Variants in DNTT observed in about 807,000 individuals in gnomAD.
DNTT encodes DNA nucleotidylexotransferase.
In DNTT, 47 loss-of-function variants were observed where a neutral mutation model predicts 60.9. The ratio of observed to expected loss-of-function variants is 0.77; its 90% CI spans 0.61 to 0.98. The LOEUF is 0.98. Ranked by LOEUF, DNTT falls within the 50% of genes least tolerant of loss-of-function variation. The pLI, the probability that DNTT is intolerant of heterozygous loss-of-function variation, is 0.00. For synonymous variants in DNTT, 224 were observed against 221.2 expected, an observed-to-expected ratio of 1.01 and a Z score of -0.11; for missense variants, 665 against 627.5, an observed-to-expected ratio of 1.06 and a Z score of -0.64.
intron 1 of DNTT, among the ~76,000 whole-genome samples, chr10:96,309,850 G>A (rs1057506867): frequency 6.6e-6 from 1 of 152,186 alleles, no homozygotes; most frequent in Admixed American, 6.5e-5. Context: ...CAGGGAGCTG[G>A]CCCGTGAACC....
chr10:96,329,189 G>A (rs1844975446), intron 8 of DNTT, among the ~76,000 whole-genome samples: 1 of 152,208 alleles, frequency 6.6e-6, no homozygotes, highest in African/African-American at 2.4e-5. Context: ...TGGGTGAGGG[G>A]GCAGGACTGC....
chr10:96,333,545 A>G (rs1845032164), intron 9 of DNTT, among the ~76,000 whole-genome samples: 1 of 152,254 alleles, frequency 6.6e-6, no homozygotes, highest in Non-Finnish European at 1.5e-5. Context: ...CACCATAGCC[A>G]AGATATTATA....
chr10:96,312,969 T>A (rs149413597), intron 1 of DNTT, among the ~76,000 whole-genome samples: 8 of 152,274 alleles, frequency 5.3e-5, no homozygotes, highest in Admixed American at 4.6e-4. Flanking sequence ...GCTCCAGGCA[T>A]AACCCAGAGA....
At chr10:96,315,578 C>T (rs1160680724) in intron 1 of DNTT, among the ~76,000 whole-genome samples, 1 of 151,976 alleles carries the variant, frequency 6.6e-6, no homozygotes, top group Admixed American at 6.6e-5. Context: ...ACAATGTGAG[C>T]GCAGACATTC....
chr10:96,325,459 C>T (rs946790801), intron 6 of DNTT, among the ~76,000 whole-genome samples: 2 of 152,182 alleles, frequency 1.3e-5, no homozygotes, highest in African/African-American at 4.8e-5. Context: ...AGTAAAGACT[C>T]TCAATGCTTA....
At chr10:96,318,260 A>T (rs762004028) in intron 1 of DNTT, 92 bp from the exon 2 acceptor site, 14 of 1,446,088 alleles carry the variant, frequency 9.7e-6, no homozygotes, top group Non-Finnish European at 1.3e-5. Context: ...GTCTTTCTCC[A>T]TCAGATGGAA....
Position 96,327,567 on chromosome 10 carries a change from A to C in DNTT, c.974A>C (p.Asp325Ala). ...GAGGCTGTCTGGGCATTTCTTCCGGATGCTTTCGTCACCATGACAGGAGGG... is the reference window on the plus strand; with the variant it reads ...GAGGCTGTCTGGGCATTTCTTCCGGCTGCTTTCGTCACCATGACAGGAGGG... ...VKEAVWAFLPDAFVTMTGGFR... is the reference protein window; with the variant it reads ...VKEAVWAFLPAAFVTMTGGFR... The change falls in exon 7 of 11, where the codon GAT becomes GCT. Residue 325 changes from aspartate (D) to alanine (A), a missense_variant. Coordinates refer to ENST00000371174, the MANE Select transcript of DNTT (RefSeq NM_004088.4). The C allele has an allele frequency of 6.2e-7, 1 of 1,613,954 alleles. No homozygotes were observed. The highest frequency in any genetic ancestry group is 8.5e-7 in the Non-Finnish European group (1 of 1,179,948).
chr10:96,324,171 T>A (rs542218792), intron 5 of DNTT, 95 bp from the exon 6 acceptor site: 19 of 1,442,234 alleles, frequency 1.3e-5, no homozygotes, highest in Non-Finnish European at 1.8e-5. Context: ...TTGCTTATAC[T>A]TTTTCTTCAT....
chr10:96,307,660 T>C (rs1844656011), intron 1 of DNTT, among the ~76,000 whole-genome samples: 1 of 146,358 alleles, frequency 6.8e-6, no homozygotes, highest in African/African-American at 2.5e-5. Context: ...GCCTCCAATA[T>C]ATTTTTTACA....
intron 1 of DNTT, among the ~76,000 whole-genome samples, chr10:96,311,844 A>G (rs1168646296): frequency 6.6e-6 from 1 of 152,112 alleles, no homozygotes; most frequent in African/African-American, 2.4e-5. Flanking sequence ...GGGTTTCACC[A>G]TGTTAGCCAG....
rs1844837425 is a variant in DNTT, at chr10:96,319,406, A to G, written c.507+16A>G. On this transcript the variant is annotated intron_variant, in intron 3 of 10. Transcript: ENST00000371174. Reference sequence around the variant, plus strand: ...GATATTCACGGTAACGGGACTTTACATCAACACCCAGGGCAAACGAAGGGC... The same window carrying G: ...GATATTCACGGTAACGGGACTTTACGTCAACACCCAGGGCAAACGAAGGGC... The G allele has an allele frequency of 2.5e-6, 4 of 1,612,952 alleles. No homozygotes were observed. Among genetic ancestry groups the G allele is most frequent in the Non-Finnish European group, 3.4e-6 (4 of 1,179,280 alleles).
chr10:96,332,229 G>T, intron 8 of DNTT, 122 bp from the exon 9 acceptor site: 1 of 1,412,912 alleles, frequency 7.1e-7, no homozygotes, highest in South Asian at 1.4e-5. Flanking sequence ...GGCCTTTAAT[G>T]CAAGGCCAAA....
intron 10 of DNTT, 128 bp from the exon 11 acceptor site, chr10:96,338,010 G>A: frequency 2.9e-6 from 2 of 686,922 alleles, no homozygotes; most frequent in South Asian, 2.4e-5. Context: ...ATACTCAGAA[G>A]CAGGGAATTA....
intron 8 of DNTT, among the ~76,000 whole-genome samples, chr10:96,329,429 G>T (rs1409009823): frequency 6.6e-6 from 1 of 152,188 alleles, no homozygotes; most frequent in East Asian, 1.9e-4. Flanking sequence ...CCACATGCAA[G>T]CCCTGACTCC....
intron 1 of DNTT, among the ~76,000 whole-genome samples, chr10:96,317,533 AC>A (rs1844801006): frequency 6.6e-6 from 1 of 152,192 alleles, no homozygotes; most frequent in African/African-American, 2.4e-5. Flanking sequence ...TATTTGTGTC[AC>A]CCCAAAATTC....
At chr10:96,324,196 A>G in intron 5 of DNTT, 70 bp from the exon 6 acceptor site, 1 of 1,528,560 alleles carries the variant, frequency 6.5e-7, no homozygotes, top group Non-Finnish European at 8.8e-7. Flanking sequence ...TGAGACCTAG[A>G]AAGGGTCATG....
At chr10:96,310,019 G>A (rs1234181081) in intron 1 of DNTT, among the ~76,000 whole-genome samples, 1 of 152,168 alleles carries the variant, frequency 6.6e-6, no homozygotes, top group African/African-American at 2.4e-5. Flanking sequence ...GTGGGAGGGA[G>A]GGCCTAACTT....
At chr10:96,334,793 G>A (rs1216889412) in intron 9 of DNTT, among the ~76,000 whole-genome samples, 1 of 152,216 alleles carries the variant, frequency 6.6e-6, no homozygotes, top group East Asian at 1.9e-4. Flanking sequence ...AAAGGGGAAC[G>A]TTCCAGAAAG....
chr10:96,315,610 C>T (rs1564870455), intron 1 of DNTT, among the ~76,000 whole-genome samples: 2 of 151,896 alleles, frequency 1.3e-5, no homozygotes, highest in Non-Finnish European at 2.9e-5. Context: ...CAGAGAATCC[C>T]AGGAGAAGAG....
Sources: gnomAD v4.1 joint callset for allele counts (sites outside exome capture counted in the v4.1 genomes callset) on GRCh38, gnomAD v4.1.1 for gene constraint, MANE v1.5 for transcripts, NCBI Gene and HGNC (gene_info 2026-07-23, HGNC 2026-07-21) for gene names.